Variants in TOPBP1 observed in about 807,000 individuals in gnomAD.
TOPBP1 encodes the protein DNA topoisomerase II binding protein 1.
A neutral mutation model predicts 167.7 loss-of-function variants in TOPBP1; 28 were observed. The ratio of observed to expected loss-of-function variants is 0.17; its 90% CI spans 0.12 to 0.23. The LOEUF (loss-of-function observed/expected upper bound fraction) is 0.23. TOPBP1 is among the 10% of genes least tolerant of loss of function. The pLI is 1.00. For missense variants in TOPBP1, 1,554 were observed against 1,809.6 expected, an observed-to-expected ratio of 0.86 and a Z score of 2.56; for synonymous variants, 598 against 611.4, an observed-to-expected ratio of 0.98 and a Z score of 0.32.
In TOPBP1 at chr3:133,623,243, G is replaced by T. The variant is rs797010097; in HGVS notation, c.3076-50C>A. On this transcript the variant is annotated intron_variant, in intron 18 of 27. Transcript: ENST00000260810. ...TTCTCAAACCAAGCCACTGTATAAG[G>T]TTTCATAGCAATATATGATTATACC... is the stretch of plus-strand genomic sequence containing the variant. 16 of 1,611,682 alleles carry T rather than the reference G, an allele frequency of 9.9e-6. No individual in the cohort carries two copies. The South Asian group carries it at 1.7e-4, about 17-fold the overall frequency.
rs1481476975 is a variant in TOPBP1, at chr3:133,618,447, G to T, written c.3372-14C>A. 11 of 1,606,428 alleles carry T rather than the reference G, an allele frequency of 6.8e-6. No individual in the cohort carries two copies. In the Admixed American group the frequency reaches 1.2e-4, roughly 17 times the overall value. On this transcript the variant is annotated splice_polypyrimidine_tract_variant and intron_variant, in intron 20 of 27. Coordinates refer to ENST00000260810, the MANE Select transcript of TOPBP1 (RefSeq NM_007027.4). Reference sequence around the variant, plus strand: ...TGACGAGACTGCCTAAGGAATAGAAGTGACAGTTTAAATAAACAGCAATAA... The same window carrying T: ...TGACGAGACTGCCTAAGGAATAGAATTGACAGTTTAAATAAACAGCAATAA...
intron 20 of TOPBP1, among the ~76,000 whole-genome samples, chr3:133,618,757 G>A (rs1385637072): frequency 6.6e-6 from 1 of 152,130 alleles, no homozygotes; most frequent in Non-Finnish European, 1.5e-5. Flanking sequence ...ATTTAAAAAT[G>A]TGATTTTCCT....
chr3:133,640,201 G>A, intron 12 of TOPBP1, 31 bp from the exon 13 acceptor site: 2 of 1,574,994 alleles, frequency 1.3e-6, no homozygotes, highest in Non-Finnish European at 1.7e-6. Context: ...AGTGGAAATG[G>A]TCACATATAC....
chr3:133,630,862 T>C (rs1309242873), intron 14 of TOPBP1, among the ~76,000 whole-genome samples: 2 of 152,190 alleles, frequency 1.3e-5, no homozygotes, highest in Non-Finnish European at 2.9e-5. Context: ...ATTCATGACA[T>C]GTTTGGGAAT....
At chr3:133,613,312 A>G (rs1184979562) in intron 23 of TOPBP1, among the ~76,000 whole-genome samples, 1 of 152,230 alleles carries the variant, frequency 6.6e-6, no homozygotes, top group African/African-American at 2.4e-5. Flanking sequence ...TTGCTGTCTC[A>G]GTACTAAATC....
intron 2 of TOPBP1, among the ~76,000 whole-genome samples, chr3:133,660,053 C>T (rs1194605097): frequency 6.6e-6 from 1 of 152,172 alleles, no homozygotes; most frequent in Non-Finnish European, 1.5e-5. Context: ...CCATCCCTCA[C>T]TCACTACACA....
At chr3:133,658,677 T>C (rs867268836) in intron 3 of TOPBP1, among the ~76,000 whole-genome samples, 1 of 151,802 alleles carries the variant, frequency 6.6e-6, no homozygotes, top group Non-Finnish European at 1.5e-5. Flanking sequence ...GGTGTGTATA[T>C]ACATCTGTAA....
At chr3:133,613,008 C>T (rs150771014) in intron 23 of TOPBP1, among the ~76,000 whole-genome samples, 36 of 152,190 alleles carry the variant, frequency 2.4e-4, no homozygotes, top group Non-Finnish European at 1.0e-4. Flanking sequence ...TACAGGCACA[C>T]ACCACTATGG....
intron 23 of TOPBP1, among the ~76,000 whole-genome samples, chr3:133,613,358 T>C (rs1934746251): frequency 6.6e-6 from 1 of 152,214 alleles, no homozygotes; most frequent in South Asian, 2.1e-4. Flanking sequence ...TCACTTGGAT[T>C]GTTATAATTA....
chr3:133,617,237 G>C lies in TOPBP1; in HGVS notation c.3682C>G (p.Leu1228Val), dbSNP rs756180513. ...ELETPIKDSH[L>V]IPTPQAPSIA... ...CTGGGGGCTTGAGGCGTAGGGATCA[G>C]GTGGCTGTCTTTTATGGGAGTTTCC... The change falls in exon 22 of 28, where the codon CTG becomes GTG. Residue 1228 changes from leucine to valine, a missense_variant. This residue lies in a region of TOPBP1 where 351 missense variants were observed against 432.9 expected (regional missense o/e 0.81). Coordinates refer to ENST00000260810, the MANE Select transcript of TOPBP1 (RefSeq NM_007027.4). 8.7e-6 allele frequency: 14 copies of C among 1,613,790 alleles called. No homozygotes were observed. Among genetic ancestry groups the C allele is most frequent in the Non-Finnish European group, 1.1e-5 (13 of 1,179,862 alleles).
intron 2 of TOPBP1, among the ~76,000 whole-genome samples, chr3:133,659,957 G>C (rs1180672557): frequency 1.3e-5 from 2 of 151,720 alleles, no homozygotes; most frequent in Non-Finnish European, 2.9e-5. Context: ...CCCTCCAATG[G>C]CTCTCCACTG....
chr3:133,659,508 T>A (rs1384754567), intron 2 of TOPBP1, among the ~76,000 whole-genome samples: 1 of 152,106 alleles, frequency 6.6e-6, no homozygotes, highest in Non-Finnish European at 1.5e-5. Flanking sequence ...ACTTCTCATC[T>A]CTCTTGCTTA....
In TOPBP1 at chr3:133,637,456, C is replaced by T. The variant is rs369776970; in HGVS notation, c.2520+420G>A. ...ACACACATTTTCAGAAGGCAAATCC[C>T]GGGTGTACTCTGAGAACCAATATAT... On this transcript the variant is annotated intron_variant, in intron 14 of 27. Transcript: ENST00000260810. Among the ~76,000 whole-genome samples the T allele has an allele frequency of 5.7e-4, 86 of 152,198 alleles. 1 individual carries two copies. Among genetic ancestry groups the T allele is most frequent in the Middle Eastern group, 3.4e-3 (1 of 294 alleles).
intron 2 of TOPBP1, among the ~76,000 whole-genome samples, chr3:133,659,828 T>C (rs1044831581): frequency 1.3e-5 from 2 of 152,188 alleles, no homozygotes; most frequent in African/African-American, 4.8e-5. Flanking sequence ...TTTGCTACTA[T>C]ATCCTGACAC....
intron 19 of TOPBP1, among the ~76,000 whole-genome samples, chr3:133,622,749 A>G (rs1444910009): frequency 6.6e-6 from 1 of 152,146 alleles, no homozygotes; most frequent in African/African-American, 2.4e-5. Context: ...AAAATCACCA[A>G]CTTCACCTAC....
intron 13 of TOPBP1, among the ~76,000 whole-genome samples, chr3:133,638,959 G>C (rs1038183687): frequency 2.0e-5 from 3 of 152,118 alleles, no homozygotes; most frequent in Admixed American, 6.6e-5. Context: ...AGAGATAAAA[G>C]GGATGATACA....
At chr3:133,630,595 G>A (rs11716388) in intron 14 of TOPBP1, among the ~76,000 whole-genome samples, 21,378 of 151,724 alleles carry the variant, frequency 0.14, 1,833 homozygotes, top group Non-Finnish European at 0.2. Context: ...ACGGTGACTC[G>A]CTGTAATTTT....
Position 133,620,268 on chromosome 3 carries a change from T to A in TOPBP1, c.3258A>T (p.Lys1086Asn). 1 of 1,613,932 alleles carries A rather than the reference T, an allele frequency of 6.2e-7. No homozygotes were observed. Among genetic ancestry groups the A allele is most frequent in the South Asian group, 1.1e-5 (1 of 91,076 alleles). Reference protein sequence around the residue: ...QEIMSATSIVKPQGQRTSLSR... With the variant: ...QEIMSATSIVNPQGQRTSLSR... ...AAAGGGAAGTCCTCTGCCCTTGGGG[T>A]TTCACTATTGATGTTGCAGACATTA... Residue 1086 changes from lysine to asparagine, a missense_variant, in exon 20 of 28, where the codon AAA (lysine) becomes AAT (asparagine). Physicochemically the swap from Lys to Asn is moderately conservative, Grantham distance 94. This residue lies in a region of TOPBP1 where 1,197 missense variants were observed against 1,351.5 expected (regional missense o/e 0.89). Transcript: ENST00000260810.
intron 4 of TOPBP1, among the ~76,000 whole-genome samples, 165 bp from the exon 5 acceptor site, chr3:133,657,022 T>C (rs1450981651): frequency 1.3e-5 from 2 of 152,140 alleles, no homozygotes; most frequent in African/African-American, 4.8e-5. Context: ...GGGAGATAAG[T>C]ATGAATTATA....
Sources: allele counts gnomAD v4.1 joint callset (sites outside exome capture counted in the v4.1 genomes callset), GRCh38; gene constraint gnomAD v4.1.1; regional missense constraint gnomAD v4.1.1; transcripts MANE v1.5; gene names NCBI Gene and HGNC (gene_info 2026-07-23, HGNC 2026-07-21).